Variants in UNC13C observed in about 807,000 individuals in gnomAD.
UNC13C encodes unc-13 homolog C.
In UNC13C, 174 loss-of-function variants were observed where a neutral mutation model predicts 245.4. The observed-to-expected ratio is 0.71, with a 90% CI of 0.63 to 0.80. The LOEUF (loss-of-function observed/expected upper bound fraction) is 0.80. Among genes scored for constraint, UNC13C ranks in the 30% least tolerant of loss-of-function variants. The pLI is 0.00. For synonymous variants in UNC13C, 992 were observed against 895.1 expected, an observed-to-expected ratio of 1.11 and a Z score of -1.93; for missense variants, 2,829 against 2,602.9, an observed-to-expected ratio of 1.09 and a Z score of -1.89.
intron 19 of UNC13C, among the ~76,000 whole-genome samples, chr15:54,454,249 C>A (rs773330631): frequency 1.5e-4 from 23 of 152,006 alleles, no homozygotes; most frequent in Non-Finnish European, 3.1e-4. Flanking sequence ...ACTTTTTCAT[C>A]TTCATCCCCA....
intron 2 of UNC13C, among the ~76,000 whole-genome samples, chr15:54,070,790 G>A (rs922693017): frequency 3.2e-4 from 48 of 152,010 alleles, no homozygotes; most frequent in African/African-American, 1.1e-3. Context: ...ATCAAGATAA[G>A]GAAAGTGAAA....
intron 18 of UNC13C, among the ~76,000 whole-genome samples, chr15:54,408,408 A>G (rs1160654282): frequency 6.6e-6 from 1 of 151,952 alleles, no homozygotes; most frequent in Non-Finnish European, 1.5e-5. Flanking sequence ...TATTGGAAAG[A>G]TCTCAGTGCT....
chr15:54,043,670 A>C (rs1896907503), intron 2 of UNC13C, among the ~76,000 whole-genome samples: 1 of 152,228 alleles, frequency 6.6e-6, no homozygotes. Context: ...ATCTTGTATT[A>C]GTTAATGTGT....
chr15:54,589,887 T>C (rs1292211031), intron 30 of UNC13C, among the ~76,000 whole-genome samples: 1 of 152,168 alleles, frequency 6.6e-6, no homozygotes, highest in East Asian at 1.9e-4. Context: ...GGAGGGTTTT[T>C]CCAATGTTAT....
intron 4 of UNC13C, among the ~76,000 whole-genome samples, chr15:54,162,283 C>T (rs954922690): frequency 6.6e-6 from 1 of 152,134 alleles, no homozygotes; most frequent in Non-Finnish European, 1.5e-5. Flanking sequence ...TGGTCCATTT[C>T]CTTGTCTGGT....
At chr15:54,477,862 T>G (rs993711714) in intron 19 of UNC13C, among the ~76,000 whole-genome samples, 2 of 148,722 alleles carry the variant, frequency 1.3e-5, no homozygotes, top group African/African-American at 2.5e-5. Flanking sequence ...TTCTATTGAT[T>G]GGAATAGTTT....
the UNC13C span, among the ~76,000 whole-genome samples, chr15:53,855,611 T>C: frequency 2.0e-5 from 3 of 152,198 alleles, no homozygotes; most frequent in Non-Finnish European, 4.4e-5. Context: ...TTGATCTGCC[T>C]ATGTTAAACC....
intron 26 of UNC13C, among the ~76,000 whole-genome samples, chr15:54,533,354 C>T (rs558008934): frequency 2.6e-5 from 4 of 152,288 alleles, no homozygotes; most frequent in South Asian, 2.1e-4. Context: ...AGATTTAGAA[C>T]TTCATGTTCC....
intron 4 of UNC13C, among the ~76,000 whole-genome samples, chr15:54,148,644 A>G (rs2032383242): frequency 6.6e-6 from 1 of 152,174 alleles, no homozygotes; most frequent in South Asian, 2.1e-4. Flanking sequence ...TTCTCATTGC[A>G]GCAGTCTTAT....
At chr15:54,572,672 C>G (rs1212420204) in intron 30 of UNC13C, among the ~76,000 whole-genome samples, 1 of 151,996 alleles carries the variant, frequency 6.6e-6, no homozygotes, top group Non-Finnish European at 1.5e-5. Flanking sequence ...GTGATCTGCC[C>G]ACGTCAGCCT....
the UNC13C span, among the ~76,000 whole-genome samples, chr15:53,917,256 A>C: frequency 1.3e-5 from 2 of 152,232 alleles, no homozygotes; most frequent in Non-Finnish European, 2.9e-5. Context: ...TAAACCTCCC[A>C]GCATTCTTTA....
chr15:54,193,085 A>T (rs1458995646), intron 4 of UNC13C, among the ~76,000 whole-genome samples: 2 of 152,170 alleles, frequency 1.3e-5, no homozygotes, highest in Non-Finnish European at 2.9e-5. Context: ...ATTCATTTTC[A>T]TCACAACTGA....
At chr15:53,856,613 TTCTTAA>T in the UNC13C span, among the ~76,000 whole-genome samples, 2 of 152,190 alleles carry the variant, frequency 1.3e-5, no homozygotes, top group Non-Finnish European at 2.9e-5. Context: ...TTGAATAAAT[TTCTTAA>T]TCTTGAGTTC....
chr15:53,908,998 T>C, the UNC13C span, among the ~76,000 whole-genome samples: 2 of 146,252 alleles, frequency 1.4e-5, 1 homozygote. Context: ...TTTGTTTATA[T>C]ATATGCACTA....
Position 54,013,121 on chromosome 15 carries a change from A to T in UNC13C, c.218A>T (p.His73Leu). 3.1e-6 allele frequency: 5 copies of T among 1,613,932 alleles called. No individual in the cohort carries two copies. The highest frequency in any genetic ancestry group is 4.2e-6 in the Non-Finnish European group (5 of 1,179,870). ...AAGATTGCAAAGTGTTCATCCACTC[A>T]CAACTTATCCACTGAGGAAGACGAG... ...VKKIAKCSSTHNLSTEEDEAS... is the reference protein window; with the variant it reads ...VKKIAKCSSTLNLSTEEDEAS... The change falls in exon 2 of 33, where the codon CAC becomes CTC. Residue 73 changes from histidine (H) to leucine (L), a missense_variant. By Grantham distance (99) the His-to-Leu change is moderately conservative. Transcript: ENST00000260323.
chr15:54,191,681 G>A lies in UNC13C; in HGVS notation c.3072-43349G>A, dbSNP rs139207645. 5.7e-4 allele frequency among the ~76,000 whole-genome samples: 87 copies of A among 152,194 alleles called. 1 individual carries two copies. The East Asian group carries it at 0.013, about 23-fold the overall frequency. ...ACACTCCCACCAACAGTGTAAAAGCGTTCCTATTTCACCACATCCTCTCCA... is the reference window on the plus strand; with the variant it reads ...ACACTCCCACCAACAGTGTAAAAGCATTCCTATTTCACCACATCCTCTCCA... On this transcript the variant is annotated intron_variant, in intron 4 of 32. Transcript: ENST00000260323.
chr15:54,273,232 C>T (rs1352116635), intron 10 of UNC13C, among the ~76,000 whole-genome samples: 1 of 152,120 alleles, frequency 6.6e-6, no homozygotes, highest in African/African-American at 2.4e-5. Context: ...AACAAATTGT[C>T]CCAAGGGCAG....
At chr15:53,838,386 A>C in the UNC13C span, among the ~76,000 whole-genome samples, 2 of 152,040 alleles carry the variant, frequency 1.3e-5, no homozygotes, top group Non-Finnish European at 2.9e-5. Context: ...GATTTTTAAA[A>C]TGTTTTTTCC....
chr15:54,143,480 T>A, intron 3 of UNC13C, 140 bp from the exon 4 acceptor site: 1 of 622,084 alleles, frequency 1.6e-6, no homozygotes, highest in Non-Finnish European at 2.8e-6. Flanking sequence ...AGCTTTGACT[T>A]GGAGCTGACC....
Sources: allele counts gnomAD v4.1 joint callset (sites outside exome capture counted in the v4.1 genomes callset), GRCh38; gene constraint gnomAD v4.1.1; transcripts MANE v1.5; gene names NCBI Gene and HGNC (gene_info 2026-07-23, HGNC 2026-07-21).